The following MAPRE2 variants were observed in gnomAD, a reference collection of about 807,000 sequenced individuals.
MAPRE2 encodes the protein microtubule associated protein RP/EB family member 2.
In MAPRE2, 13 loss-of-function variants were observed where a neutral mutation model predicts 43.2. That is an observed-to-expected ratio of 0.30 (90% CI 0.20 to 0.48). MAPRE2 has a LOEUF of 0.48. MAPRE2 is among the 20% of genes least tolerant of loss of function. The pLI is 0.99. For missense variants in MAPRE2, 161 were observed against 400.2 expected (o/e 0.40, Z 5.10); for synonymous variants, 135 against 148.8 (o/e 0.91, Z 0.68).
Position 35,126,963 on chromosome 18 carries a change from G to C in MAPRE2, c.626G>C (p.Ser209Thr), listed in dbSNP as rs1555921982. The change falls in exon 5 of 7, where the codon AGT becomes ACT. Residue 209 changes from serine to threonine, a missense_variant. This residue lies in a region of MAPRE2 where 96 missense variants were observed against 153.3 expected (regional missense o/e 0.63). Transcript: ENST00000300249. ...NSPTAGAAKS[S>T]PAAKPGSTPS... The stretch of plus-strand genomic sequence containing the variant: ...TTGCTTTCAGGTGCAGCTAAATCAA[G>C]TCCAGCAGCTAAACCAGGATCCACA... The C allele has an allele frequency of 2.5e-6, 4 of 1,613,936 alleles. No homozygotes were observed. Among genetic ancestry groups the C allele is most frequent in the Non-Finnish European group, 3.4e-6 (4 of 1,179,936 alleles).
intron 1 of MAPRE2, among the ~76,000 whole-genome samples, chr18:35,065,457 T>C (rs1236000388): frequency 6.6e-6 from 1 of 152,226 alleles, no homozygotes; most frequent in Non-Finnish European, 1.5e-5. Context: ...AATATTAAAG[T>C]GTGGTGACCC....
At chr18:35,098,602 T>G (rs1187888592) in intron 3 of MAPRE2, among the ~76,000 whole-genome samples, 1 of 152,238 alleles carries the variant, frequency 6.6e-6, no homozygotes, top group Admixed American at 6.5e-5. Context: ...TATTTCCAAC[T>G]TTATGTCCTT....
At chr18:35,129,855 A>G (rs987329843) in intron 5 of MAPRE2, among the ~76,000 whole-genome samples, 4 of 152,264 alleles carry the variant, frequency 2.6e-5, no homozygotes, top group South Asian at 2.1e-4. Flanking sequence ...AGCATCTGCC[A>G]TAACCCAAGA....
In MAPRE2 at chr18:35,054,811, T is replaced by C. The variant is rs931020651; in HGVS notation, c.122+13150T>C. Among the ~76,000 whole-genome samples the C allele has an allele frequency of 3.1e-4, 47 of 152,324 alleles. 1 individual carries two copies. The highest frequency in any genetic ancestry group is 8.4e-4 in the African/African-American group (35 of 41,578). On this transcript the variant is annotated intron_variant, in intron 1 of 6. Coordinates refer to ENST00000300249, the MANE Select transcript of MAPRE2 (RefSeq NM_014268.4). ...CTTAACTAGCAAACAACTAAGCCCC[T>C]GCAAAATCACATGAAGACATTGGAA...
intron 2 of MAPRE2, among the ~76,000 whole-genome samples, chr18:35,089,349 C>A (rs529553123): frequency 2.0e-5 from 3 of 152,058 alleles, no homozygotes; most frequent in African/African-American, 7.2e-5. Context: ...TCAAATGATA[C>A]CATCAAGAAA....
chr18:35,026,649 A>T (rs2097045386), intron 2 of MAPRE2, among the ~76,000 whole-genome samples: 2 of 152,104 alleles, frequency 1.3e-5, no homozygotes, highest in Non-Finnish European at 1.5e-5. Flanking sequence ...AATATTTGCT[A>T]GCTCTGTGGA....
intron 6 of MAPRE2, among the ~76,000 whole-genome samples, chr18:35,132,577 C>T (rs903292738): frequency 1.3e-5 from 2 of 152,180 alleles, no homozygotes; most frequent in Admixed American, 1.3e-4. Flanking sequence ...ATGCTTTTCC[C>T]ATCCCCAGAA....
intron 2 of MAPRE2, among the ~76,000 whole-genome samples, chr18:35,096,533 T>C (rs1908424754): frequency 6.6e-6 from 1 of 152,138 alleles, no homozygotes; most frequent in Non-Finnish European, 1.5e-5. Flanking sequence ...TCTATGATCA[T>C]TTCCCCAGGG....
chr18:35,024,364 T>C (rs1016470407), intron 2 of MAPRE2, among the ~76,000 whole-genome samples: 1 of 152,230 alleles, frequency 6.6e-6, no homozygotes, highest in Admixed American at 6.5e-5. Flanking sequence ...CCCTCTCCCT[T>C]TTATTCATGC....
intron 1 of MAPRE2, chr18:35,005,395 G>T: frequency 4.6e-6 from 3 of 648,692 alleles, no homozygotes; most frequent in Admixed American, 3.1e-5. Flanking sequence ...TTCCATTGCT[G>T]GCCACACCCA....
chr18:35,036,642 C>T (rs2097050727), upstream of MAPRE2, among the ~76,000 whole-genome samples: 1 of 152,134 alleles, frequency 6.6e-6, no homozygotes, highest in Admixed American at 6.5e-5. Context: ...CACTGCCATT[C>T]CTCTTTTAAA....
At chr18:35,086,455 C>T (rs529895865) in intron 2 of MAPRE2, among the ~76,000 whole-genome samples, 17 of 151,776 alleles carry the variant, frequency 1.1e-4, no homozygotes, top group African/African-American at 3.9e-4. Context: ...CTATCAAGCC[C>T]AAGATTCTAC....
chr18:35,034,557 C>T (rs1406693263), intron 2 of MAPRE2, among the ~76,000 whole-genome samples: 1 of 151,872 alleles, frequency 6.6e-6, no homozygotes, highest in African/African-American at 2.4e-5. Context: ...AAGAAACTAG[C>T]ATCAGAGTGA....
At chr18:35,058,610 T>C (rs1906361957) in intron 1 of MAPRE2, among the ~76,000 whole-genome samples, 1 of 152,204 alleles carries the variant, frequency 6.6e-6, no homozygotes, top group African/African-American at 2.4e-5. Flanking sequence ...ACTCCTACGA[T>C]ATTAACATAC....
Position 35,041,421 on chromosome 18 carries a change from A to G in MAPRE2, c.-119A>G, listed in dbSNP as rs898096913. On this transcript the variant is annotated 5_prime_UTR_variant, in exon 1 of 7. Transcript: ENST00000300249. The stretch of plus-strand genomic sequence containing the variant: ...GCGCGAGCGAGAGCTGGGAGAAGGC[A>G]GTGAGCGAGCAGGCGGCAGGCACGG... The G allele has an allele frequency of 4.7e-5, 74 of 1,565,786 alleles. No homozygotes were observed. Among genetic ancestry groups the G allele is most frequent in the Non-Finnish European group, 6.3e-5 (73 of 1,156,870 alleles).
At chr18:35,110,562 A>G (rs190635802) in intron 4 of MAPRE2, among the ~76,000 whole-genome samples, 1 of 152,092 alleles carries the variant, frequency 6.6e-6, no homozygotes, top group Non-Finnish European at 1.5e-5. Context: ...TGAACACCCA[A>G]GTTCCCTAGC....
chr18:35,108,003 GTCT>G (rs1908987055), intron 4 of MAPRE2, among the ~76,000 whole-genome samples: 2 of 149,210 alleles, frequency 1.3e-5, no homozygotes, highest in East Asian at 2.0e-4. Context: ...GACCTTTTTT[GTCT>G]TCTTCTAAAA....
chr18:35,034,577 C>T (rs940262681), intron 2 of MAPRE2, among the ~76,000 whole-genome samples: 1 of 151,906 alleles, frequency 6.6e-6, no homozygotes, highest in African/African-American at 2.4e-5. Flanking sequence ...AACAGGCAAC[C>T]TACAAAATGG....
chr18:35,018,878 G>C (rs922062941), intron 2 of MAPRE2, among the ~76,000 whole-genome samples: 1 of 151,644 alleles, frequency 6.6e-6, no homozygotes, highest in African/African-American at 2.4e-5. Flanking sequence ...GGGTTAGTTT[G>C]TTCTTGTTTC....
Sources: gnomAD v4.1 joint callset for allele counts (sites outside exome capture counted in the v4.1 genomes callset) on GRCh38, gnomAD v4.1.1 for gene constraint, gnomAD v4.1.1 regional missense constraint, MANE v1.5 for transcripts, NCBI Gene and HGNC (gene_info 2026-07-23, HGNC 2026-07-21) for gene names.